Variants in CDKL3 observed in about 807,000 individuals in gnomAD.
CDKL3 encodes cyclin-dependent kinase-like 3.
CDKL3 carries 65 observed loss-of-function variants against 69.3 expected under a neutral mutation model. The observed-to-expected ratio is 0.94, with a 90% confidence interval of 0.77 to 1.15. The LOEUF (loss-of-function observed/expected upper bound fraction) is 1.15, where lower values mean the gene tolerates loss of function less well. CDKL3 is among the 50% of genes most tolerant of loss of function. CDKL3 has a pLI of 0.00. For synonymous variants in CDKL3, 202 were observed against 221.6 expected, an observed-to-expected ratio of 0.91 and a Z score of 0.79; for missense variants, 652 against 689.2, an observed-to-expected ratio of 0.95 and a Z score of 0.61.
chr5:134,309,065 AC>A (rs758678199), intron 7 of CDKL3, among the ~76,000 whole-genome samples: 1 of 152,104 alleles, frequency 6.6e-6, no homozygotes, highest in Non-Finnish European at 1.5e-5. Flanking sequence ...GAAGACTCAG[AC>A]CACTTTGACC....
chr5:134,341,041 A>C (rs1750354247), intron 4 of CDKL3, among the ~76,000 whole-genome samples: 1 of 152,216 alleles, frequency 6.6e-6, no homozygotes, highest in African/African-American at 2.4e-5. Context: ...ATATCCAAAA[A>C]CCAATAAATG....
chr5:134,305,236 G>A (rs939241603), intron 10 of CDKL3, among the ~76,000 whole-genome samples: 3 of 151,856 alleles, frequency 2.0e-5, no homozygotes, highest in South Asian at 2.1e-4. Flanking sequence ...CTTAGCCCCC[G>A]AGTCTGAAAC....
chr5:134,320,933 C>T (rs1772575477), intron 5 of CDKL3, among the ~76,000 whole-genome samples: 1 of 150,036 alleles, frequency 6.7e-6, no homozygotes, highest in African/African-American at 2.4e-5. Context: ...ATAGCACATT[C>T]AAGGCTAACC....
At chr5:134,293,002 CTTTTTTTTTTTTTTTTTTT>C (rs558156596) in intron 8 of CDKL3, among the ~76,000 whole-genome samples, 6 of 43,878 alleles carry the variant, frequency 1.4e-4, no homozygotes, top group Non-Finnish European at 2.2e-4. Context: ...CTGCCAATTT[CTTTTTTTTTTTTTTTTTTT>C]TTTTTTTTTT....
At chr5:134,344,417 G>C (rs766254312) in intron 4 of CDKL3, among the ~76,000 whole-genome samples, 1 of 151,984 alleles carries the variant, frequency 6.6e-6, no homozygotes, top group Non-Finnish European at 1.5e-5. Flanking sequence ...TTGTATCTAG[G>C]ATATGCAGAA....
chr5:134,343,915 T>C (rs1160234333), intron 4 of CDKL3, among the ~76,000 whole-genome samples: 1 of 152,204 alleles, frequency 6.6e-6, no homozygotes, highest in Non-Finnish European at 1.5e-5. Context: ...GCGTGAGTTA[T>C]TCTATCTCTA....
chr5:134,330,343 GGAATGAGCTGGA>G (rs1343147508), intron 4 of CDKL3, among the ~76,000 whole-genome samples: 1 of 152,196 alleles, frequency 6.6e-6, no homozygotes, highest in African/African-American at 2.4e-5. Flanking sequence ...TTTGATGAGA[GGAATGAGCTGGA>G]GCATGGTCAT....
At chr5:134,298,731 A>T (rs1282698808) in intron 12 of CDKL3, 21 bp from the exon 13 acceptor site, 1 of 1,608,592 alleles carries the variant, frequency 6.2e-7, no homozygotes, top group South Asian at 1.1e-5. Context: ...AAACCAAGCT[A>T]GTAAGAATCA....
At chr5:134,361,914 A>AT (rs2149655859) in intron 2 of CDKL3, among the ~76,000 whole-genome samples, 1 of 152,240 alleles carries the variant, frequency 6.6e-6, no homozygotes, top group East Asian at 1.9e-4. Context: ...CAAGGAATTG[A>AT]TTGCTTTTGG....
At chr5:134,333,258 C>T (rs994196059) in intron 4 of CDKL3, among the ~76,000 whole-genome samples, 1 of 152,210 alleles carries the variant, frequency 6.6e-6, no homozygotes, top group African/African-American at 2.4e-5. Flanking sequence ...ATGTCATCTG[C>T]AAACAGAGAC....
At chr5:134,288,261 G>A (rs1027801611) in intron 8 of CDKL3, among the ~76,000 whole-genome samples, 1 of 152,180 alleles carries the variant, frequency 6.6e-6, no homozygotes, top group African/African-American at 2.4e-5. Flanking sequence ...AACCCCAAAT[G>A]ATAAAAGTTG....
chr5:134,323,948 T>G (rs1773462142), intron 4 of CDKL3, among the ~76,000 whole-genome samples: 1 of 152,100 alleles, frequency 6.6e-6, no homozygotes, highest in Admixed American at 6.6e-5. Context: ...GAGAAAATAT[T>G]TGCAAAATAA....
intron 4 of CDKL3, among the ~76,000 whole-genome samples, chr5:134,340,192 G>A (rs1750127083): frequency 6.6e-6 from 1 of 152,086 alleles, no homozygotes; most frequent in African/African-American, 2.4e-5. Flanking sequence ...TGAGACTAAT[G>A]AAAATGAAGA....
intron 7 of CDKL3, among the ~76,000 whole-genome samples, chr5:134,311,680 G>A (rs1028738789): frequency 6.6e-6 from 1 of 152,222 alleles, no homozygotes; most frequent in Non-Finnish European, 1.5e-5. Context: ...CTTATTTAAT[G>A]TTATCTCTGG....
intron 2 of CDKL3, among the ~76,000 whole-genome samples, chr5:134,362,188 T>A (rs1372237536): frequency 6.6e-6 from 1 of 152,224 alleles, no homozygotes; most frequent in Non-Finnish European, 1.5e-5. Flanking sequence ...TCTCACTAAT[T>A]ACTCTAACTG....
intron 3 of CDKL3, among the ~76,000 whole-genome samples, chr5:134,353,322 G>T (rs1382878182): frequency 6.6e-6 from 1 of 151,966 alleles, no homozygotes; most frequent in East Asian, 1.9e-4. Context: ...CCAGTGAATG[G>T]AACCACCACT....
chr5:134,304,544 A>C lies in CDKL3; in HGVS notation c.1482T>G (p.Phe494Leu). 1 of 1,608,860 alleles carries C rather than the reference A, an allele frequency of 6.2e-7. No individual in the cohort carries two copies. The highest frequency in any genetic ancestry group is 8.5e-7 in the Non-Finnish European group (1 of 1,178,116). The change falls in exon 11 of 13, where the codon TTT (phenylalanine) becomes TTG (leucine). Residue 494 changes from phenylalanine (F) to leucine (L), a missense_variant. Phe to Leu is a conservative substitution (Grantham distance 22). Transcript: ENST00000265334. The stretch of plus-strand genomic sequence containing the variant: ...GGTCACTGTGACCTGTTCGCTCATT[A>C]AATATACCCTTCTCCATTTGGCTCT... ...PIQSQMEKGI[F>L]NERTGHSDQM... is the part of the protein sequence containing the mutation.
intron 12 of CDKL3, chr5:134,299,725 C>G: frequency 6.5e-7 from 1 of 1,534,302 alleles, no homozygotes; most frequent in East Asian, 2.4e-5. Flanking sequence ...GTTCTTCTTC[C>G]TTTCAGTTTG....
chr5:134,363,642 G>A (rs1218876782), intron 2 of CDKL3, among the ~76,000 whole-genome samples: 1 of 151,890 alleles, frequency 6.6e-6, no homozygotes, highest in African/African-American at 2.4e-5. Flanking sequence ...TTGTGTTTTA[G>A]TAGAGACAGG....
Sources: allele counts gnomAD v4.1 joint callset (sites outside exome capture counted in the v4.1 genomes callset), GRCh38; gene constraint gnomAD v4.1.1; transcripts MANE v1.5; gene names NCBI Gene and HGNC (gene_info 2026-07-23, HGNC 2026-07-21).